Variants in RHPN2 observed in about 807,000 individuals in gnomAD.
The protein encoded by RHPN2 is rhophilin Rho GTPase binding protein 2.
Under a neutral mutation model 79.0 loss-of-function variants are expected in RHPN2, and 40 were observed. The ratio of observed to expected loss-of-function variants is 0.51; its 90% CI spans 0.39 to 0.66. The LOEUF is 0.66. Among genes scored for constraint, RHPN2 ranks in the 30% least tolerant of loss-of-function variants. The pLI, the probability that RHPN2 is intolerant of heterozygous loss-of-function variation, is 0.00. For synonymous variants in RHPN2, 285 were observed against 363.5 expected (o/e 0.78, Z 2.46); for missense variants, 686 against 883.5 (o/e 0.78, Z 2.83).
At chr19:32,988,669 G>A (rs1301688860) in intron 14 of RHPN2, among the ~76,000 whole-genome samples, 1 of 151,870 alleles carries the variant, frequency 6.6e-6, no homozygotes, top group African/African-American at 2.4e-5. Flanking sequence ...TCCGGTAGGA[G>A]AAGCTTATTC....
intron 1 of RHPN2, 63 bp downstream of exon 1, chr19:33,064,721 G>A: frequency 6.7e-7 from 1 of 1,493,188 alleles, no homozygotes; most frequent in Non-Finnish European, 8.9e-7. Context: ...GGCCCCTGCA[G>A]GGCCCGGGGG....
chr19:33,017,471 A>G (rs1971887222), intron 4 of RHPN2, among the ~76,000 whole-genome samples: 1 of 152,144 alleles, frequency 6.6e-6, no homozygotes, highest in African/African-American at 2.4e-5. Flanking sequence ...AGACATTTCT[A>G]GACATGTGGA....
chr19:33,004,050 T>C (rs1971771784), intron 7 of RHPN2, among the ~76,000 whole-genome samples: 1 of 152,156 alleles, frequency 6.6e-6, no homozygotes, highest in Non-Finnish European at 1.5e-5. Context: ...TTATTTTATT[T>C]ATTTTTGAGA....
chr19:33,048,741 A>AAAAAAAAAAC (rs1568325997), intron 1 of RHPN2, among the ~76,000 whole-genome samples: 1 of 151,234 alleles, frequency 6.6e-6, no homozygotes, highest in East Asian at 1.9e-4. Flanking sequence ...AAAAAAAAAA[A>AAAAAAAAAAC]AAAACTTTAA....
intron 3 of RHPN2, among the ~76,000 whole-genome samples, chr19:33,023,907 G>A (rs575090148): frequency 3.3e-5 from 5 of 152,242 alleles, no homozygotes; most frequent in African/African-American, 1.2e-4. Context: ...GGCCACTCTA[G>A]AGCCCAGGGA....
At chr19:33,039,575 T>A (rs1028724428) in intron 2 of RHPN2, among the ~76,000 whole-genome samples, 4 of 152,114 alleles carry the variant, frequency 2.6e-5, no homozygotes, top group Admixed American at 6.6e-5. Flanking sequence ...CAGTGGGTCA[T>A]GCCTGTAATC....
chr19:33,064,755 T>TGGGCCC, intron 1 of RHPN2, 29 bp downstream of exon 1: 178 of 1,427,584 alleles, frequency 1.2e-4, no homozygotes, highest in Non-Finnish European at 1.5e-4. Context: ...AGCCCGCAGG[T>TGGGCCC]CCCCGCCCGC....
intron 9 of RHPN2, among the ~76,000 whole-genome samples, chr19:33,001,503 C>G (rs548303943): frequency 2.6e-5 from 4 of 152,118 alleles, no homozygotes; most frequent in Non-Finnish European, 5.9e-5. Context: ...GATCATACCA[C>G]TGCACTCCAG....
At chr19:33,064,757 C>A in intron 1 of RHPN2, 27 bp downstream of exon 1, 4 of 566,586 alleles carry the variant, frequency 7.1e-6, no homozygotes, top group South Asian at 4.7e-5. Context: ...CCCGCAGGTC[C>A]CCGCCCGCCC....
chr19:33,009,927 C>T (rs183502198), intron 6 of RHPN2, among the ~76,000 whole-genome samples: 2 of 152,062 alleles, frequency 1.3e-5, no homozygotes, highest in Admixed American at 6.6e-5. Flanking sequence ...TACAGGCACC[C>T]ACCACCATGC....
chr19:32,980,849 G>GT (rs2145996001), intron 14 of RHPN2, among the ~76,000 whole-genome samples: 1 of 151,788 alleles, frequency 6.6e-6, no homozygotes, highest in Non-Finnish European at 1.5e-5. Flanking sequence ...TTTTGTTTTT[G>GT]TTTTTTAAGA....
chr19:33,026,398 G>C (rs1971966926), intron 3 of RHPN2, 106 bp downstream of exon 3: 8 of 1,453,812 alleles, frequency 5.5e-6, no homozygotes, highest in Non-Finnish European at 6.6e-6. Flanking sequence ...AGTGGGGGCT[G>C]CCACACCCCA....
rs116842077 is a variant in RHPN2 at position 33,018,717 on chromosome 19, C to A, written c.390+2854G>T. Reference sequence around the variant, plus strand: ...ACTCACTGTCTCTGAGAATGAACGTCAAGTGCTTCCAAAGTATTAACCAAT... The same window carrying A: ...ACTCACTGTCTCTGAGAATGAACGTAAAGTGCTTCCAAAGTATTAACCAAT... On this transcript the variant is annotated intron_variant, in intron 4 of 14. Transcript: ENST00000254260. Among the ~76,000 whole-genome samples the A allele has an allele frequency of 3.6e-3, 542 of 152,246 alleles. 10 individuals are homozygous for A. In the East Asian group the frequency reaches 0.056, roughly 16 times the overall value.
chr19:33,035,897 AC>A (rs1393906321), intron 2 of RHPN2, among the ~76,000 whole-genome samples: 3 of 152,146 alleles, frequency 2.0e-5, no homozygotes, highest in Non-Finnish European at 4.4e-5. Context: ...TGGGCAGACC[AC>A]CAGGTCAGGA....
intron 1 of RHPN2, among the ~76,000 whole-genome samples, chr19:33,049,551 G>C (rs1223446777): frequency 1.3e-5 from 2 of 152,218 alleles, no homozygotes; most frequent in Non-Finnish European, 2.9e-5. Flanking sequence ...CTGTTGACAA[G>C]TTCTACAGTG....
chr19:33,038,062 G>A (rs770816693), intron 2 of RHPN2, among the ~76,000 whole-genome samples: 7 of 151,974 alleles, frequency 4.6e-5, no homozygotes, highest in Non-Finnish European at 7.4e-5. Context: ...AAAATTAGCC[G>A]AATGCCAGTC....
At chr19:33,030,367 C>T (rs1022799912) in intron 2 of RHPN2, among the ~76,000 whole-genome samples, 12 of 152,068 alleles carry the variant, frequency 7.9e-5, no homozygotes, top group East Asian at 3.9e-4. Context: ...CCGAGGCACG[C>T]GGATCACTTG....
chr19:33,036,250 C>T (rs1036724173), intron 2 of RHPN2, among the ~76,000 whole-genome samples: 2 of 148,692 alleles, frequency 1.3e-5, no homozygotes, highest in Non-Finnish European at 3.0e-5. Flanking sequence ...TGCAGTGGCA[C>T]AATCTTGGGA....
intron 7 of RHPN2, among the ~76,000 whole-genome samples, chr19:33,003,477 A>T (rs1161235599): frequency 2.0e-5 from 3 of 151,910 alleles, no homozygotes; most frequent in African/African-American, 4.8e-5. Context: ...CACTCCTATG[A>T]TATATATCCC....
Sources: allele counts gnomAD v4.1 joint callset (sites outside exome capture counted in the v4.1 genomes callset), GRCh38; gene constraint gnomAD v4.1.1; transcripts MANE v1.5; gene names NCBI Gene and HGNC (gene_info 2026-07-23, HGNC 2026-07-21).